Variants in SGCZ observed in about 807,000 individuals in gnomAD.
The protein encoded by SGCZ is zeta-sarcoglycan.
A neutral mutation model predicts 41.3 loss-of-function variants in SGCZ; 40 were observed. The ratio of observed to expected loss-of-function variants is 0.97; its 90% CI spans 0.75 to 1.26. SGCZ has a LOEUF of 1.26. Among genes scored for constraint, SGCZ ranks in the 50% most tolerant of loss-of-function variants. The pLI is 0.00. For synonymous variants in SGCZ, 206 were observed against 137.5 expected, an observed-to-expected ratio of 1.50 and a Z score of -3.49; for missense variants, 552 against 369.8, an observed-to-expected ratio of 1.49 and a Z score of -4.04.
At chr8:14,226,408 A>G (rs1346959106) in intron 4 of SGCZ, among the ~76,000 whole-genome samples, 1 of 151,962 alleles carries the variant, frequency 6.6e-6, no homozygotes, top group African/African-American at 2.4e-5. Context: ...CCCCCATACC[A>G]TCCCTGTGAA....
intron 1 of SGCZ, among the ~76,000 whole-genome samples, chr8:14,634,192 C>G (rs1368969541): frequency 6.6e-6 from 1 of 151,768 alleles, no homozygotes; most frequent in African/African-American, 2.4e-5. Flanking sequence ...CAATTTTTAT[C>G]AATTTGACAC....
chr8:14,738,823 G>A (rs939811059), intron 1 of SGCZ, among the ~76,000 whole-genome samples: 10 of 152,042 alleles, frequency 6.6e-5, no homozygotes, highest in African/African-American at 2.4e-4. Flanking sequence ...AAATGAGAGG[G>A]AGAACGGGCC....
In SGCZ at chr8:14,348,611, G is replaced by A. The variant is rs1458100762; in HGVS notation, c.235-24407C>T. 3.3e-5 allele frequency among the ~76,000 whole-genome samples: 5 copies of A among 151,962 alleles called. No homozygotes were observed. The East Asian group carries it at 9.7e-4, about 29-fold the overall frequency. On this transcript the variant is annotated intron_variant, in intron 2 of 7. Coordinates refer to ENST00000382080, the MANE Select transcript of SGCZ (RefSeq NM_139167.4). ...TACAACTGAAACTTGGCATATATTC[G>A]CTGAAAAAAATGATAGCCATTAAAT...
intron 1 of SGCZ, among the ~76,000 whole-genome samples, chr8:15,127,238 A>G (rs1807731592): frequency 6.0e-5 from 1 of 16,720 alleles, no homozygotes; most frequent in Non-Finnish European, 3.5e-4. Context: ...ATAGGCACAC[A>G]CACACACACA....
chr8:14,436,098 G>A (rs370901351), intron 2 of SGCZ, among the ~76,000 whole-genome samples: 2 of 152,186 alleles, frequency 1.3e-5, no homozygotes, highest in Admixed American at 6.5e-5. Context: ...TGCAGTGGAT[G>A]TCAAACTTCT....
intron 1 of SGCZ, among the ~76,000 whole-genome samples, chr8:15,221,705 C>T (rs939268919): frequency 4.6e-5 from 7 of 152,204 alleles, no homozygotes; most frequent in Non-Finnish European, 7.4e-5. Context: ...TAGTTGTCGA[C>T]GACTCTGCCC....
intron 2 of SGCZ, among the ~76,000 whole-genome samples, chr8:14,526,451 T>C (rs1017771009): frequency 2.6e-5 from 4 of 152,144 alleles, no homozygotes; most frequent in Non-Finnish European, 4.4e-5. Context: ...TGGGAAATTA[T>C]AAACATACCT....
At chr8:14,189,393 G>T (rs1015035300) in intron 4 of SGCZ, among the ~76,000 whole-genome samples, 2 of 151,994 alleles carry the variant, frequency 1.3e-5, no homozygotes, top group African/African-American at 4.8e-5. Flanking sequence ...TTTTCAACAC[G>T]GTCTGGAAGA....
At chr8:14,501,456 A>C (rs556725382) in intron 2 of SGCZ, among the ~76,000 whole-genome samples, 3 of 152,242 alleles carry the variant, frequency 2.0e-5, no homozygotes, top group Non-Finnish European at 4.4e-5. Flanking sequence ...ATTTATGCCT[A>C]CAAATTAAAT....
chr8:14,378,233 G>C (rs977084434), intron 2 of SGCZ, among the ~76,000 whole-genome samples: 1 of 151,436 alleles, frequency 6.6e-6, no homozygotes, highest in African/African-American at 2.4e-5. Context: ...TAACTGGTGT[G>C]AGATGGTATC....
intron 2 of SGCZ, among the ~76,000 whole-genome samples, chr8:14,539,936 G>A (rs1023133502): frequency 5.9e-5 from 9 of 151,926 alleles, no homozygotes; most frequent in African/African-American, 2.2e-4. Flanking sequence ...CAGTAGATGA[G>A]ATCACCTAGG....
chr8:14,799,092 AT>A (rs1394654208), intron 1 of SGCZ, among the ~76,000 whole-genome samples: 4 of 151,924 alleles, frequency 2.6e-5, no homozygotes, highest in Admixed American at 1.3e-4. Context: ...TATTAAATTA[AT>A]TTTTTAACTG....
In SGCZ at chr8:14,108,232, G is replaced by T. The variant is rs756519854; in HGVS notation, c.551C>A (p.Thr184Asn). 4 of 1,614,068 alleles carry T rather than the reference G, an allele frequency of 2.5e-6. No individual in the cohort carries two copies. In the Admixed American group the frequency reaches 5.0e-5, roughly 20 times the overall value. Residue 184 changes from threonine (T) to asparagine (N), a missense_variant, in exon 6 of 8, where the codon ACT becomes AAT. Transcript: ENST00000382080. ...IGAEKLKVTG[T>N]EGAVFGHSVE... ...AGAGTGCCCAAATACGGCTCCTTCAGTGCCTGGGGGTAGCATGAATATAGC... is the reference window on the plus strand; with the variant it reads ...AGAGTGCCCAAATACGGCTCCTTCATTGCCTGGGGGTAGCATGAATATAGC...
chr8:14,687,843 C>T (rs918536716), intron 1 of SGCZ, among the ~76,000 whole-genome samples: 3 of 152,088 alleles, frequency 2.0e-5, no homozygotes, highest in South Asian at 2.1e-4. Flanking sequence ...TCTCCACATC[C>T]TCTCCAGCAC....
chr8:14,773,155 G>C (rs1319737385), intron 1 of SGCZ, among the ~76,000 whole-genome samples: 1 of 152,230 alleles, frequency 6.6e-6, no homozygotes, highest in African/African-American at 2.4e-5. Flanking sequence ...TTGTGGTTTT[G>C]ATTTGCATTT....
chr8:14,545,152 T>C (rs1803585891), intron 2 of SGCZ, among the ~76,000 whole-genome samples: 1 of 152,054 alleles, frequency 6.6e-6, no homozygotes, highest in Non-Finnish European at 1.5e-5. Flanking sequence ...TACATTGAAA[T>C]ATTGGGGGCA....
At chr8:14,830,246 T>C (rs1332422220) in intron 1 of SGCZ, among the ~76,000 whole-genome samples, 2 of 149,986 alleles carry the variant, frequency 1.3e-5, no homozygotes, top group African/African-American at 5.1e-5. Flanking sequence ...AATGGGTGTG[T>C]TTGGTTTCCA....
At chr8:14,957,628 C>T (rs550484524) in intron 1 of SGCZ, among the ~76,000 whole-genome samples, 5 of 151,836 alleles carry the variant, frequency 3.3e-5, no homozygotes, top group African/African-American at 9.7e-5. Context: ...TTATATGGTG[C>T]CCAGATATAT....
intron 3 of SGCZ, among the ~76,000 whole-genome samples, chr8:14,248,611 G>T (rs931477368): frequency 3.9e-5 from 6 of 152,066 alleles, no homozygotes; most frequent in Non-Finnish European, 7.4e-5. Context: ...TATCAAATAA[G>T]TTGGATATGT....
Sources: allele counts gnomAD v4.1 joint callset (sites outside exome capture counted in the v4.1 genomes callset), GRCh38; gene constraint gnomAD v4.1.1; transcripts MANE v1.5; gene names NCBI Gene and HGNC (gene_info 2026-07-23, HGNC 2026-07-21).